Variants in PRKN observed in about 807,000 individuals in gnomAD.
The protein encoded by PRKN is parkin RBR E3 ubiquitin protein ligase, also known as E3 ubiquitin-protein ligase parkin.
In PRKN, 56 loss-of-function variants were observed where a neutral mutation model predicts 59.5. The ratio of observed to expected loss-of-function variants is 0.94; its 90% CI spans 0.76 to 1.18. The LOEUF is 1.18. Ranked by LOEUF, PRKN falls within the 50% of genes most tolerant of loss-of-function variation. The probability of loss-of-function intolerance (pLI) is 0.00; values close to 1 mark genes in which losing one functional copy is unlikely to be tolerated. For missense variants in PRKN, 657 were observed against 596.4 expected, an observed-to-expected ratio of 1.10 and a Z score of -1.06; for synonymous variants, 250 against 222.1, an observed-to-expected ratio of 1.13 and a Z score of -1.12.
intron 3 of PRKN, among the ~76,000 whole-genome samples, chr6:162,218,258 G>GT (rs1404911269): frequency 6.6e-6 from 1 of 152,228 alleles, no homozygotes; most frequent in African/African-American, 2.4e-5. Context: ...AGGAATGATG[G>GT]TGGTGGCTCA....
At chr6:162,582,933 A>C (rs957210277) in intron 1 of PRKN, among the ~76,000 whole-genome samples, 4 of 152,150 alleles carry the variant, frequency 2.6e-5, no homozygotes, top group African/African-American at 9.6e-5. Flanking sequence ...CCCCTTCAAA[A>C]CTCATCTTGA....
Position 162,024,663 on chromosome 6 carries a change from T to C in PRKN, c.618+29428A>G, listed in dbSNP as rs138685310. On this transcript the variant is annotated intron_variant, in intron 5 of 11. Coordinates refer to ENST00000366898, the MANE Select transcript of PRKN (RefSeq NM_004562.3). ...CTTGTAAAGCGAATTGTTGTCACTA[T>C]AGTGAACAATTTTTAGACTCAGGAA... is the stretch of plus-strand genomic sequence containing the variant. 1.2e-3 allele frequency among the ~76,000 whole-genome samples: 181 copies of C among 152,356 alleles called. 1 individual carries two copies. The East Asian group carries it at 0.03, about 25-fold the overall frequency.
At chr6:161,570,272 T>C in intron 7 of PRKN, among the ~76,000 whole-genome samples, 1 of 146,334 alleles carries the variant, frequency 6.8e-6, no homozygotes. Context: ...CTCACATATA[T>C]AAATTATATA....
chr6:161,729,282 A>G (rs1190955530), intron 7 of PRKN, among the ~76,000 whole-genome samples: 1 of 152,252 alleles, frequency 6.6e-6, no homozygotes, highest in African/African-American at 2.4e-5. Context: ...AAGGACACCA[A>G]GCTTTACATA....
chr6:162,112,075 T>C (rs1780462731), intron 4 of PRKN, among the ~76,000 whole-genome samples: 1 of 152,234 alleles, frequency 6.6e-6, no homozygotes, highest in Non-Finnish European at 1.5e-5. Context: ...CATTCAACAC[T>C]CTCAATACTT....
intron 9 of PRKN, among the ~76,000 whole-genome samples, chr6:161,501,004 T>A (rs1418305996): frequency 6.6e-6 from 1 of 151,490 alleles, no homozygotes; most frequent in Admixed American, 6.6e-5. Context: ...GACTCCCAAG[T>A]AGCTGGGACT....
chr6:161,489,105 T>C (rs1777450844), intron 9 of PRKN, among the ~76,000 whole-genome samples: 2 of 152,180 alleles, frequency 1.3e-5, no homozygotes, highest in Admixed American at 1.3e-4. Context: ...GGCATACTGA[T>C]TTCTAAGACA....
At chr6:161,873,141 C>T (rs1794413291) in intron 6 of PRKN, among the ~76,000 whole-genome samples, 1 of 151,600 alleles carries the variant, frequency 6.6e-6, no homozygotes, top group African/African-American at 2.4e-5. Flanking sequence ...GCTGAGTCCC[C>T]CAAACCTCCA....
At chr6:161,729,313 T>A (rs1787577512) in intron 7 of PRKN, among the ~76,000 whole-genome samples, 1 of 152,018 alleles carries the variant, frequency 6.6e-6, no homozygotes, top group African/African-American at 2.4e-5. Context: ...TCAAAAATAA[T>A]TAAGGGGAAA....
chr6:162,200,929 C>G (rs1784702615), intron 4 of PRKN, among the ~76,000 whole-genome samples: 1 of 152,184 alleles, frequency 6.6e-6, no homozygotes, highest in African/African-American at 2.4e-5. Context: ...CCTGTGTAAT[C>G]TAAACTTTCA....
At chr6:161,671,759 A>G (rs1784917811) in intron 7 of PRKN, among the ~76,000 whole-genome samples, 1 of 152,206 alleles carries the variant, frequency 6.6e-6, no homozygotes. Flanking sequence ...CTGAAAAGAG[A>G]AGAGACAAAA....
intron 2 of PRKN, among the ~76,000 whole-genome samples, chr6:162,362,062 G>A (rs1401515970): frequency 6.6e-6 from 1 of 152,170 alleles, no homozygotes; most frequent in Non-Finnish European, 1.5e-5. Flanking sequence ...ATGTTTAAAA[G>A]TAAAAGATCC....
intron 9 of PRKN, among the ~76,000 whole-genome samples, chr6:161,521,109 G>C (rs1332691536): frequency 6.6e-6 from 1 of 152,158 alleles, no homozygotes; most frequent in South Asian, 2.1e-4. Flanking sequence ...AGTCATAAGA[G>C]AGCTACAAAG....
chr6:161,773,397 G>A (rs1789777842), intron 7 of PRKN, among the ~76,000 whole-genome samples: 3 of 152,158 alleles, frequency 2.0e-5, no homozygotes, highest in African/African-American at 4.8e-5. Flanking sequence ...AACTGCTGAC[G>A]AGGCAGGGGG....
chr6:161,670,105 T>C lies in PRKN; in HGVS notation c.872-100689A>G, dbSNP rs116681656. Among the ~76,000 whole-genome samples, 660 of 152,222 alleles carry C rather than the reference T, an allele frequency of 4.3e-3. 3 individuals are homozygous for C. The highest frequency in any genetic ancestry group is 0.015 in the African/African-American group (605 of 41,478). ...CACAATTTTGACCTCATAACTTCTT[T>C]TCTGTTTTGAAGCCCTGGGTGTTGG... On this transcript the variant is annotated intron_variant, in intron 7 of 11. Coordinates refer to ENST00000366898, the MANE Select transcript of PRKN (RefSeq NM_004562.3).
chr6:162,596,593 A>G (rs1781502336), intron 1 of PRKN, among the ~76,000 whole-genome samples: 1 of 152,226 alleles, frequency 6.6e-6, no homozygotes, highest in African/African-American at 2.4e-5. Context: ...AGCAGAAAGC[A>G]TATGATCAAT....
rs113567716 is a variant in PRKN, at chr6:161,748,161, C to T, written c.871+37611G>A. On this transcript the variant is annotated intron_variant, in intron 7 of 11. Coordinates refer to ENST00000366898, the MANE Select transcript of PRKN (RefSeq NM_004562.3). The stretch of plus-strand genomic sequence containing the variant: ...AACAGAATTGGGACATCGCTGCATA[C>T]GTTTTTCTCAGCTTTGAGGATGCTT... Among the ~76,000 whole-genome samples, 373 of 152,260 alleles carry T rather than the reference C, an allele frequency of 2.4e-3. 1 individual carries two copies. Among genetic ancestry groups the T allele is most frequent in the African/African-American group, 8.0e-3 (334 of 41,564 alleles).
intron 1 of PRKN, among the ~76,000 whole-genome samples, chr6:162,586,789 A>G (rs1251449875): frequency 6.6e-6 from 1 of 152,240 alleles, no homozygotes; most frequent in Non-Finnish European, 1.5e-5. Flanking sequence ...AGAGAGACAG[A>G]ATAAATTAGG....
At chr6:161,822,969 C>T (rs1224884465) in intron 6 of PRKN, among the ~76,000 whole-genome samples, 3 of 152,108 alleles carry the variant, frequency 2.0e-5, no homozygotes, top group South Asian at 4.1e-4. Flanking sequence ...ATAGGGTTTT[C>T]TCTGTCACTC....
Sources: gnomAD v4.1 joint callset for allele counts (sites outside exome capture counted in the v4.1 genomes callset) on GRCh38, gnomAD v4.1.1 for gene constraint, MANE v1.5 for transcripts, NCBI Gene and HGNC (gene_info 2026-07-23, HGNC 2026-07-21) for gene names.